Variants in PCDHGA4 observed in about 807,000 individuals in gnomAD.
PCDHGA4 encodes protocadherin gamma-A4.
A neutral mutation model predicts 54.6 loss-of-function variants in PCDHGA4; 38 were observed. That is an observed-to-expected ratio of 0.70 (90% CI 0.54 to 0.91). PCDHGA4 has a LOEUF of 0.91. PCDHGA4 is among the 40% of genes least tolerant of loss of function. The pLI, the probability that PCDHGA4 is intolerant of heterozygous loss-of-function variation, is 0.00. For synonymous variants in PCDHGA4, 511 were observed against 512.9 expected (o/e 1.00, Z 0.05); for missense variants, 1,298 against 1,220.9 (o/e 1.06, Z -0.94).
At position 141,355,804 on chromosome 5, in the gene PCDHGA4, C is replaced by T. The variant is rs866252857; in HGVS notation, c.697C>T (p.Arg233Cys). The T allele has an allele frequency of 1.9e-6, 3 of 1,613,238 alleles. No homozygotes were observed. Among genetic ancestry groups the T allele is most frequent in the African/African-American group, 1.3e-5 (1 of 74,878 alleles). Residue 233 changes from arginine to cysteine, a missense_variant, in exon 1 of 4, where the codon CGC becomes TGC. Transcript: ENST00000571252. ...PELVLERALD[R>C]EEEAVHHLVL... Reference sequence around the variant, plus strand: ...GCTGGTGCTGGAACGCGCTCTAGATCGCGAGGAAGAGGCGGTTCACCACCT... The same window carrying T: ...GCTGGTGCTGGAACGCGCTCTAGATTGCGAGGAAGAGGCGGTTCACCACCT...
chr5:141,399,430 A>G (rs758530359), intron 1 of PCDHGA4: 12 of 1,614,016 alleles, frequency 7.4e-6, no homozygotes, highest in Non-Finnish European at 1.0e-5. Context: ...CATAAGCGTC[A>G]TCCTACATAT....
At chr5:141,364,779 C>T (rs1036037278) in intron 1 of PCDHGA4, 1 of 1,613,980 alleles carries the variant, frequency 6.2e-7, no homozygotes, top group East Asian at 2.2e-5. Flanking sequence ...GCTGCAGGGA[C>T]ACGGTTAGTG....
In PCDHGA4 at chr5:141,489,223, C is replaced by T. The variant is rs771455540; in HGVS notation, c.2515-5584C>T. The T allele has an allele frequency of 6.6e-7, 1 of 1,515,444 alleles. No homozygotes were observed. The highest frequency in any genetic ancestry group is 1.3e-5 in the South Asian group (1 of 75,776). 93.9% of individuals were successfully genotyped at this position (1,515,444 alleles called of 1,614,324 possible). A position where few individuals can be genotyped will look rare whatever the true frequency, so the allele number is the denominator to read the frequency against. The stretch of plus-strand genomic sequence containing the variant: ...CAGGACAGCACAGACTTACTCTCCA[C>T]AAAGGGACTTCTGGGTCATGGGGCC... On this transcript the variant is annotated intron_variant, in intron 1 of 3. Coordinates refer to ENST00000571252, the MANE Select transcript of PCDHGA4 (RefSeq NM_018917.4). The surrounding 1 kb of genome is among the most constrained non-coding windows in gnomAD (Gnocchi z 4.5).
intron 1 of PCDHGA4, chr5:141,478,026 C>G: frequency 6.2e-7 from 1 of 1,614,180 alleles, no homozygotes; most frequent in Non-Finnish European, 8.5e-7. Flanking sequence ...GTCCAAGACA[C>G]AGATTCACCC....
chr5:141,485,737 C>T lies in PCDHGA4; in HGVS notation c.2515-9070C>T. On this transcript the variant is annotated intron_variant, in intron 1 of 3. Coordinates refer to ENST00000571252, the MANE Select transcript of PCDHGA4 (RefSeq NM_018917.4). The surrounding 1 kb of genome is among the most constrained non-coding windows in gnomAD (Gnocchi z 5.7). ...TGGATGTGAAGAAGCGCAGCGACGGCAGCCTGGTCCCAGAGCTGCTCCTGG... is the reference window on the plus strand; with the variant it reads ...TGGATGTGAAGAAGCGCAGCGACGGTAGCCTGGTCCCAGAGCTGCTCCTGG... 6.2e-7 allele frequency: 1 copy of T among 1,614,222 alleles called. No individual in the cohort carries two copies. Among genetic ancestry groups the T allele is most frequent in the Non-Finnish European group, 8.5e-7 (1 of 1,180,036 alleles).
At chr5:141,370,767 G>T (rs749108869) in intron 1 of PCDHGA4, 12 of 1,613,966 alleles carry the variant, frequency 7.4e-6, no homozygotes, top group Non-Finnish European at 1.0e-5. Context: ...GCTGATCCAG[G>T]ATATTAACGA....
chr5:141,366,239 G>A, intron 1 of PCDHGA4: 3 of 1,613,776 alleles, frequency 1.9e-6, no homozygotes, highest in Non-Finnish European at 1.7e-6. Context: ...GGACAGAGAC[G>A]CGCTCAAGCA....
Position 141,356,208 on chromosome 5 carries a change from A to T in PCDHGA4, c.1101A>T (p.Thr367=). The T allele has an allele frequency of 6.2e-7, 1 of 1,605,906 alleles. No individual in the cohort carries two copies. Among genetic ancestry groups the T allele is most frequent in the African/African-American group, 1.3e-5 (1 of 74,930 alleles). ...GAGCTAGAAGCAAGGTACTGGTGAC[A>T]GTTCTGGATGAAAATGACAACGCAC... ...GLRARSKVLV[T]VLDENDNAPE... The change falls in exon 1 of 4, where the codon ACA becomes ACT. Residue 367 remains threonine, a synonymous_variant. Coordinates refer to ENST00000571252, the MANE Select transcript of PCDHGA4 (RefSeq NM_018917.4).
intron 1 of PCDHGA4, chr5:141,423,740 G>T: frequency 1.4e-6 from 1 of 698,992 alleles, no homozygotes; most frequent in Non-Finnish European, 1.8e-6. Flanking sequence ...AGCCTGTTAT[G>T]AAAACTGTTT....
chr5:141,433,208 C>CTTT, intron 1 of PCDHGA4: 2 of 1,293,022 alleles, frequency 1.5e-6, no homozygotes, highest in Non-Finnish European at 2.1e-6. Context: ...AATCTTCTTT[C>CTTT]TTTTTTTTTT....
In PCDHGA4 at chr5:141,404,188, A is replaced by C. The variant is rs1001365354; in HGVS notation, c.2514+46567A>C. On this transcript the variant is annotated intron_variant, in intron 1 of 3. Transcript: ENST00000571252. Reference sequence around the variant, plus strand: ...TGTTGACGGCCCAAATTCTTGACCGAGAAAAAGCCTCAGAATATAATATCA... The same window carrying C: ...TGTTGACGGCCCAAATTCTTGACCGCGAAAAAGCCTCAGAATATAATATCA... 3.7e-6 allele frequency: 6 copies of C among 1,613,398 alleles called. No individual in the cohort carries two copies. The African/African-American group carries it at 5.3e-5, about 14-fold the overall frequency.
At chr5:141,405,118 G>C (rs368800698) in intron 1 of PCDHGA4, 2 of 1,613,946 alleles carry the variant, frequency 1.2e-6, no homozygotes, top group Non-Finnish European at 8.5e-7. Flanking sequence ...GGCACTCCTC[G>C]CATCTGCTGC....
intron 1 of PCDHGA4, chr5:141,418,113 T>C (rs1320881856): frequency 3.1e-6 from 5 of 1,613,912 alleles, no homozygotes; most frequent in Non-Finnish European, 3.4e-6. Context: ...GGGGACTTAC[T>C]TGTGAAGGAC....
chr5:141,423,139 G>A (rs2096713828), intron 1 of PCDHGA4: 2 of 1,613,616 alleles, frequency 1.2e-6, no homozygotes, highest in Middle Eastern at 1.7e-4. Flanking sequence ...GGACAGAGAC[G>A]CGCTCAAGCA....
intron 1 of PCDHGA4, chr5:141,394,820 C>T (rs1480144579): frequency 5.6e-6 from 9 of 1,613,748 alleles, no homozygotes; most frequent in African/African-American, 1.3e-5. Flanking sequence ...ACAGCATCCC[C>T]GAAGTCCTGA....
intron 1 of PCDHGA4, chr5:141,421,633 G>C (rs1369645749): frequency 1.9e-6 from 3 of 1,613,716 alleles, no homozygotes; most frequent in Non-Finnish European, 2.5e-6. Context: ...CAGCTTCCAG[G>C]AGGACGAAGT....
At chr5:141,383,007 G>A (rs1047921009) in intron 1 of PCDHGA4, 1 of 1,613,748 alleles carries the variant, frequency 6.2e-7, no homozygotes, top group Non-Finnish European at 8.5e-7. Flanking sequence ...ACTCCGTGTC[G>A]GAGGAGACGG....
intron 1 of PCDHGA4, among the ~76,000 whole-genome samples, chr5:141,469,684 T>C (rs1471928749): frequency 6.6e-6 from 1 of 152,256 alleles, no homozygotes; most frequent in Non-Finnish European, 1.5e-5. Flanking sequence ...ACATATGCAT[T>C]GGTCCTATGA....
intron 1 of PCDHGA4, chr5:141,376,077 C>T (rs373865501): frequency 6.2e-7 from 1 of 1,613,380 alleles, no homozygotes; most frequent in Non-Finnish European, 8.5e-7. Flanking sequence ...GTGGCCGTGG[C>T]CGACAGGATC....
Sources: allele counts gnomAD v4.1 joint callset (sites outside exome capture counted in the v4.1 genomes callset), GRCh38; gene constraint gnomAD v4.1.1; non-coding constraint Gnocchi (gnomAD v3.1); transcripts MANE v1.5; gene names NCBI Gene and HGNC (gene_info 2026-07-23, HGNC 2026-07-21).